The following ITGA11 variants were observed in gnomAD, a reference collection of about 807,000 sequenced individuals.
ITGA11 encodes the protein integrin subunit alpha 11.
A neutral mutation model predicts 141.9 loss-of-function variants in ITGA11; 97 were observed. The ratio of observed to expected loss-of-function variants is 0.68; its 90% CI spans 0.58 to 0.81. The LOEUF is 0.81. Among genes scored for constraint, ITGA11 ranks in the 30% least tolerant of loss-of-function variants. The pLI is 0.00. For missense variants in ITGA11, 1,387 were observed against 1,559.2 expected (o/e 0.89, Z 1.86); for synonymous variants, 658 against 624.6 (o/e 1.05, Z -0.80).
intron 2 of ITGA11, among the ~76,000 whole-genome samples, chr15:68,400,549 A>G (rs1896444337): frequency 8.6e-6 from 1 of 116,198 alleles, no homozygotes; most frequent in Non-Finnish European, 1.7e-5. Context: ...CAGAATATAT[A>G]TATATAATAT....
intron 1 of ITGA11, among the ~76,000 whole-genome samples, chr15:68,425,130 C>G (rs999109967): frequency 2.6e-5 from 4 of 152,194 alleles, no homozygotes; most frequent in African/African-American, 9.7e-5. Context: ...GGACAGGCCA[C>G]TTGGTTTTTT....
chr15:68,418,212 A>G (rs1481330685), intron 1 of ITGA11, among the ~76,000 whole-genome samples: 1 of 152,250 alleles, frequency 6.6e-6, no homozygotes, highest in Admixed American at 6.5e-5. Context: ...CTTAGCATCT[A>G]GAACAATGCC....
At position 68,308,277 on chromosome 15, in the gene ITGA11, G is replaced by A. The variant is rs1169695303; in HGVS notation, c.3175-581C>T. On this transcript the variant is annotated intron_variant, in intron 26 of 29. Coordinates refer to ENST00000315757, the MANE Select transcript of ITGA11 (RefSeq NM_001004439.2). This position sits in a 1 kb window ranked among gnomAD's most constrained non-coding sequence, Gnocchi z 5.2. Reference sequence around the variant, plus strand: ...GAAAGATAAGACATCAGTTTGAAAAGAGCCCCTATCTGAGCAACATGAATT... The same window carrying A: ...GAAAGATAAGACATCAGTTTGAAAAAAGCCCCTATCTGAGCAACATGAATT... 1.3e-5 allele frequency among the ~76,000 whole-genome samples: 2 copies of A among 152,156 alleles called. No individual in the cohort carries two copies. Among genetic ancestry groups the A allele is most frequent in the East Asian group, 3.8e-4 (2 of 5,198 alleles).
chr15:68,365,040 G>T, intron 3 of ITGA11: 1 of 673,104 alleles, frequency 1.5e-6, no homozygotes, highest in Non-Finnish European at 1.8e-6. Context: ...CACACAGTGA[G>T]CACTCACCGA....
At chr15:68,376,460 G>A (rs1247378498) in intron 2 of ITGA11, among the ~76,000 whole-genome samples, 1 of 152,222 alleles carries the variant, frequency 6.6e-6, no homozygotes, top group Non-Finnish European at 1.5e-5. Context: ...AAGCCCCAAG[G>A]GAGCTAGGAT....
chr15:68,362,569 T>C (rs1042704237), intron 4 of ITGA11, among the ~76,000 whole-genome samples: 2 of 151,702 alleles, frequency 1.3e-5, no homozygotes, highest in East Asian at 3.9e-4. Flanking sequence ...AGACAGATGA[T>C]AGATGGATGG....
chr15:68,420,809 C>T lies in ITGA11; in HGVS notation c.52+11206G>A, dbSNP rs141859240. On this transcript the variant is annotated intron_variant, in intron 1 of 29. Coordinates refer to ENST00000315757, the MANE Select transcript of ITGA11 (RefSeq NM_001004439.2). ...CTTTGCTCTCAGGATTACATTCCATCGGAGCAGGCAATATACAACATGAAT... is the reference window on the plus strand; with the variant it reads ...CTTTGCTCTCAGGATTACATTCCATTGGAGCAGGCAATATACAACATGAAT... 5.0e-3 allele frequency among the ~76,000 whole-genome samples: 759 copies of T among 152,156 alleles called. 9 individuals are homozygous for T. Among genetic ancestry groups the T allele is most frequent in the African/African-American group, 0.017 (701 of 41,470 alleles).
chr15:68,304,766 C>T lies in ITGA11; in HGVS notation c.3382-881G>A, dbSNP rs1050413396. ...TAAGCAAATGGCAGCACTATCCCTC[C>T]GCGCTGCTCAGGCCAGAAGCCATGT... is the stretch of plus-strand genomic sequence containing the variant. On this transcript the variant is annotated intron_variant, in intron 28 of 29. Transcript: ENST00000315757. This position sits in a 1 kb window ranked among gnomAD's most constrained non-coding sequence, Gnocchi z 6.1. Among the ~76,000 whole-genome samples, 5 of 152,212 alleles carry T rather than the reference C, an allele frequency of 3.3e-5. No individual in the cohort carries two copies. Among genetic ancestry groups the T allele is most frequent in the Admixed American group, 6.5e-5 (1 of 15,280 alleles).
At chr15:68,399,988 T>C (rs1485227284) in intron 2 of ITGA11, among the ~76,000 whole-genome samples, 1 of 152,100 alleles carries the variant, frequency 6.6e-6, no homozygotes, top group Non-Finnish European at 1.5e-5. Flanking sequence ...AAACCAAATA[T>C]AGAGAATTCA....
Position 68,328,341 on chromosome 15 carries a change from C to A in ITGA11, c.1902-79G>T. 7.3e-7 allele frequency: 1 copy of A among 1,376,770 alleles called. No individual in the cohort carries two copies. The allele number at this position is 1,376,770 out of a possible 1,614,324, so 85.3% of individuals were successfully genotyped here. A position where few individuals can be genotyped will look rare whatever the true frequency, so the allele number is the denominator to read the frequency against. ...CTGTGACCATGGGGAAAGACAAGAA[C>A]CAGATGCGAGTGGGATCTGCAAAGC... On this transcript the variant is annotated intron_variant, in intron 15 of 29. Transcript: ENST00000315757. This position sits in a 1 kb window ranked among gnomAD's most constrained non-coding sequence, Gnocchi z 4.8.
rs1233903087 is a variant in ITGA11 at position 68,400,625 on chromosome 15, TAATA to T, written c.164+2289_164+2292del. ...ATTATAATATATAATATATATTATA[TAATA>T]AATATTATAATATTATATATTATAT... On this transcript the variant is annotated intron_variant, in intron 2 of 29. Transcript: ENST00000315757. 1.6e-3 allele frequency among the ~76,000 whole-genome samples: 134 copies of T among 83,560 alleles called. 1 individual carries two copies. Among genetic ancestry groups the T allele is most frequent in the Middle Eastern group, 4.6e-3 (1 of 216 alleles). The allele number at this position is 83,560 out of a possible 152,430, so 54.8% of individuals were successfully genotyped here. A position where few individuals can be genotyped will look rare whatever the true frequency, so the allele number is the denominator to read the frequency against.
In ITGA11 at chr15:68,303,267, C is replaced by G. The variant is rs549799133; in HGVS notation, c.3496-137G>C. 47 of 727,612 alleles carry G rather than the reference C, an allele frequency of 6.5e-5. No homozygotes were observed. The highest frequency in any genetic ancestry group is 3.6e-5 in the African/African-American group (2 of 56,016). The allele number at this position is 727,612 out of a possible 1,614,324, so 45.1% of individuals were successfully genotyped here. ...TACCCCCAGCTCATTCTGAGCACCC[C>G]CTCCTCCAGAACTGCCTCTGTGGAC... is the stretch of plus-strand genomic sequence containing the variant. On this transcript the variant is annotated intron_variant, in intron 29 of 29. Coordinates refer to ENST00000315757, the MANE Select transcript of ITGA11 (RefSeq NM_001004439.2). This position sits in a 1 kb window ranked among gnomAD's most constrained non-coding sequence, Gnocchi z 5.3.
Position 68,339,445 on chromosome 15 carries a change from C to G in ITGA11, c.1276+55G>C, listed in dbSNP as rs554573927. The G allele has an allele frequency of 3.0e-5, 47 of 1,561,626 alleles. No homozygotes were observed. The African/African-American group carries it at 6.0e-4, about 20-fold the overall frequency. ...GTGTGGGCTGGGGGTTGTGCAGCCC[C>G]TGGGTGCCCTCCCGGCCCACGACCC... On this transcript the variant is annotated intron_variant, in intron 11 of 29. Transcript: ENST00000315757.
intron 1 of ITGA11, 51 bp downstream of exon 1, chr15:68,431,964 G>T: frequency 8.2e-7 from 1 of 1,223,160 alleles, no homozygotes; most frequent in Non-Finnish European, 1.0e-6. Flanking sequence ...AGCCCCGAGG[G>T]CCCAGGGAGG....
At chr15:68,399,127 C>G (rs886320661) in intron 2 of ITGA11, among the ~76,000 whole-genome samples, 3 of 151,496 alleles carry the variant, frequency 2.0e-5, no homozygotes, top group Non-Finnish European at 4.4e-5. Context: ...AACAATCTTG[C>G]CAAAGAAAAA....
At chr15:68,402,857 G>A (rs1595893141) in intron 2 of ITGA11, 61 bp downstream of exon 2, 1 of 1,167,948 alleles carries the variant, frequency 8.6e-7, no homozygotes, top group South Asian at 1.3e-5. Context: ...ACAGGGGCAG[G>A]ATGGAGGGGG....
intron 23 of ITGA11, among the ~76,000 whole-genome samples, chr15:68,313,089 G>A (rs1893449094): frequency 2.0e-5 from 3 of 152,226 alleles, no homozygotes; most frequent in African/African-American, 7.2e-5. Context: ...GGGTGGGCGT[G>A]AGTCAGAAGA....
intron 21 of ITGA11, 63 bp downstream of exon 21, chr15:68,317,202 C>T (rs1412349661): frequency 4.9e-6 from 6 of 1,229,238 alleles, no homozygotes; most frequent in African/African-American, 3.0e-5. Context: ...GCCGCCCTCC[C>T]CAAACTACCT....
At chr15:68,403,985 G>A (rs981246037) in intron 1 of ITGA11, among the ~76,000 whole-genome samples, 2 of 152,138 alleles carry the variant, frequency 1.3e-5, no homozygotes, top group African/African-American at 4.8e-5. Context: ...CTGAATGGAA[G>A]ACCTGTCCTT....
Sources: gnomAD v4.1 joint callset for allele counts (sites outside exome capture counted in the v4.1 genomes callset) on GRCh38, gnomAD v4.1.1 for gene constraint, Gnocchi (gnomAD v3.1) non-coding constraint, MANE v1.5 for transcripts, NCBI Gene and HGNC (gene_info 2026-07-23, HGNC 2026-07-21) for gene names.